The following ITFG1 variants were observed in gnomAD, a reference collection of about 807,000 sequenced individuals.
ITFG1 encodes integrin alpha FG-GAP repeat containing 1.
A neutral mutation model predicts 81.8 loss-of-function variants in ITFG1; 34 were observed. The observed-to-expected ratio is 0.42, with a 90% confidence interval of 0.32 to 0.55. The LOEUF (loss-of-function observed/expected upper bound fraction) is 0.55. Among genes scored for constraint, ITFG1 ranks in the 20% least tolerant of loss-of-function variants. The pLI is 0.17. For missense variants in ITFG1, 672 were observed against 755.4 expected, an observed-to-expected ratio of 0.89 and a Z score of 1.29; for synonymous variants, 285 against 270.6, an observed-to-expected ratio of 1.05 and a Z score of -0.52.
intron 14 of ITFG1, among the ~76,000 whole-genome samples, chr16:47,208,479 T>A (rs1224801313): frequency 6.6e-6 from 1 of 152,214 alleles, no homozygotes; most frequent in Admixed American, 6.5e-5. Context: ...AGGCACTGTA[T>A]CTTCTACAAC....
At chr16:47,219,144 A>C (rs1965661618) in intron 13 of ITFG1, among the ~76,000 whole-genome samples, 198 bp from the exon 14 acceptor site, 1 of 152,164 alleles carries the variant, frequency 6.6e-6, no homozygotes, top group African/African-American at 2.4e-5. Flanking sequence ...AACAAAAAGA[A>C]AACCTGATTA....
intron 10 of ITFG1, among the ~76,000 whole-genome samples, chr16:47,281,595 T>C (rs1445311768): frequency 6.6e-6 from 1 of 152,198 alleles, no homozygotes; most frequent in Admixed American, 6.5e-5. Flanking sequence ...TCACTTTGAA[T>C]GAATTTTGAT....
At chr16:47,419,276 A>AT (rs111618943) in intron 6 of ITFG1, among the ~76,000 whole-genome samples, 15,486 of 149,604 alleles carry the variant, frequency 0.1, 1,615 homozygotes, top group African/African-American at 0.27. Context: ...TTCCTTCTTA[A>AT]TTTTTTTTTT....
Position 47,428,906 on chromosome 16 carries a change from A to G in ITFG1, c.561-8T>C. 1.3e-6 allele frequency: 2 copies of G among 1,516,216 alleles called. No individual in the cohort carries two copies. The highest frequency in any genetic ancestry group is 1.4e-5 in the African/African-American group (1 of 72,108). 93.9% of individuals were successfully genotyped at this position (1,516,216 alleles called of 1,614,324 possible). On this transcript the variant is annotated splice_polypyrimidine_tract_variant and splice_region_variant and intron_variant, in intron 5 of 17. Transcript: ENST00000320640. ...GGATGCCATGATAAATTCCTAAAAAATAAAATAAAAATACTTTTCTTAAGG... is the reference window on the plus strand; with the variant it reads ...GGATGCCATGATAAATTCCTAAAAAGTAAAATAAAAATACTTTTCTTAAGG...
intron 16 of ITFG1, among the ~76,000 whole-genome samples, chr16:47,160,455 A>C (rs1039028121): frequency 6.6e-6 from 1 of 152,090 alleles, no homozygotes; most frequent in Non-Finnish European, 1.5e-5. Context: ...TGGCAGTGAA[A>C]AAAAATCATG....
chr16:47,371,722 C>T (rs996431567), intron 7 of ITFG1, among the ~76,000 whole-genome samples: 1 of 152,116 alleles, frequency 6.6e-6, no homozygotes, highest in Non-Finnish European at 1.5e-5. Flanking sequence ...TGTCTGCAGA[C>T]ATTTTTGATT....
chr16:47,327,121 A>G (rs948078184), intron 8 of ITFG1, among the ~76,000 whole-genome samples: 1 of 152,190 alleles, frequency 6.6e-6, no homozygotes, highest in Non-Finnish European at 1.5e-5. Flanking sequence ...TGGTACCAAA[A>G]CAGAGATATA....
chr16:47,270,187 TA>T (rs1388853038), intron 10 of ITFG1, among the ~76,000 whole-genome samples: 1 of 151,874 alleles, frequency 6.6e-6, no homozygotes, highest in African/African-American at 2.4e-5. Context: ...ACCATATCTA[TA>T]AAAAAAATTG....
At chr16:47,176,263 GGA>G (rs1244744461) in intron 14 of ITFG1, among the ~76,000 whole-genome samples, 2 of 152,156 alleles carry the variant, frequency 1.3e-5, no homozygotes, top group African/African-American at 4.8e-5. Flanking sequence ...TACTCACAGG[GGA>G]ATTCTAAGAG....
chr16:47,450,479 A>G, intron 5 of ITFG1: 1 of 389,656 alleles, frequency 2.6e-6, no homozygotes, highest in Non-Finnish European at 5.0e-6. Flanking sequence ...AGTAATAGGA[A>G]ATGTTAAAGT....
intron 5 of ITFG1, among the ~76,000 whole-genome samples, chr16:47,441,956 T>C (rs972398377): frequency 6.6e-6 from 1 of 152,214 alleles, no homozygotes; most frequent in African/African-American, 2.4e-5. Context: ...AAAATCTCCT[T>C]AAGCTGATAA....
At chr16:47,198,956 T>C (rs981295740) in intron 14 of ITFG1, among the ~76,000 whole-genome samples, 1 of 152,202 alleles carries the variant, frequency 6.6e-6, no homozygotes, top group Non-Finnish European at 1.5e-5. Context: ...TAATTTATTA[T>C]TGAAGAAAAA....
chr16:47,306,187 C>T (rs886509108), intron 10 of ITFG1, among the ~76,000 whole-genome samples: 5 of 150,958 alleles, frequency 3.3e-5, no homozygotes, highest in Non-Finnish European at 7.4e-5. Flanking sequence ...ACCTTAGGAA[C>T]TATAAAAGGA....
chr16:47,264,572 AC>A (rs1966252884), intron 10 of ITFG1, among the ~76,000 whole-genome samples: 5 of 151,690 alleles, frequency 3.3e-5, no homozygotes, highest in Non-Finnish European at 2.9e-5. Flanking sequence ...ACACACACAC[AC>A]ACACACACAC....
At position 47,376,800 on chromosome 16, in the gene ITFG1, C is replaced by T. The variant is rs11863702; in HGVS notation, c.656-860G>A. ...CCTGGCCAACATGGTGAAACCCCAT[C>T]GCTACTAAAAATACAAAAATTAGCT... On this transcript the variant is annotated intron_variant, in intron 6 of 17. Transcript: ENST00000320640. Among the ~76,000 whole-genome samples, 1,134 of 151,908 alleles carry T rather than the reference C, an allele frequency of 7.5e-3. 19 individuals carry two copies. Among genetic ancestry groups the T allele is most frequent in the African/African-American group, 0.026 (1,072 of 41,392 alleles).
chr16:47,293,534 G>T (rs1051488955), intron 10 of ITFG1, among the ~76,000 whole-genome samples: 18 of 151,860 alleles, frequency 1.2e-4, no homozygotes, highest in African/African-American at 4.4e-4. Context: ...AGAGTTTTTG[G>T]TAACAGCCAT....
At chr16:47,444,215 A>G (rs1596988853) in intron 5 of ITFG1, among the ~76,000 whole-genome samples, 1 of 152,200 alleles carries the variant, frequency 6.6e-6, no homozygotes, top group Non-Finnish European at 1.5e-5. Flanking sequence ...AAATCAGATA[A>G]AACTGATTTA....
At chr16:47,456,898 C>T (rs1969461048) in intron 2 of ITFG1, among the ~76,000 whole-genome samples, 1 of 151,752 alleles carries the variant, frequency 6.6e-6, no homozygotes, top group South Asian at 2.1e-4. Flanking sequence ...TGTAGAGGAT[C>T]CAATGGGAAA....
chr16:47,378,628 A>G (rs760412851), intron 6 of ITFG1, among the ~76,000 whole-genome samples: 9 of 152,244 alleles, frequency 5.9e-5, no homozygotes, highest in Non-Finnish European at 1.3e-4. Context: ...AAACTTTGAA[A>G]AGTAGTAAAG....
Sources: allele counts gnomAD v4.1 joint callset (sites outside exome capture counted in the v4.1 genomes callset), GRCh38; gene constraint gnomAD v4.1.1; transcripts MANE v1.5; gene names NCBI Gene and HGNC (gene_info 2026-07-23, HGNC 2026-07-21).